MOXD1: variants seen among roughly 807,000 people sequenced by gnomAD.
MOXD1 encodes monooxygenase DBH like 1, also known as DBH-like monooxygenase protein 1.
MOXD1 carries 62 observed loss-of-function variants against 66.6 expected under a neutral mutation model. That is an observed-to-expected ratio of 0.93 (90% CI 0.76 to 1.15). The LOEUF is 1.15. Among genes scored for constraint, MOXD1 ranks in the 50% most tolerant of loss-of-function variants. The pLI, the probability that MOXD1 is intolerant of heterozygous loss-of-function variation, is 0.00. For synonymous variants in MOXD1, 303 were observed against 281.9 expected (o/e 1.07, Z -0.75); for missense variants, 847 against 754.6 (o/e 1.12, Z -1.44).
chr6:132,354,095 C>A (rs1330514781), intron 4 of MOXD1, among the ~76,000 whole-genome samples: 2 of 151,890 alleles, frequency 1.3e-5, no homozygotes, highest in East Asian at 3.9e-4. Context: ...ATTTTCTTGC[C>A]TTTCGCTGGT....
At chr6:132,347,250 C>T (rs1168242765) in intron 4 of MOXD1, among the ~76,000 whole-genome samples, 10 of 152,144 alleles carry the variant, frequency 6.6e-5, no homozygotes, top group Admixed American at 5.9e-4. Flanking sequence ...TTTCATTCTC[C>T]GGGTGACTGA....
chr6:132,371,595 TG>T (rs1260195007), intron 4 of MOXD1, among the ~76,000 whole-genome samples: 1 of 152,164 alleles, frequency 6.6e-6, no homozygotes, highest in Non-Finnish European at 1.5e-5. Context: ...TCTGCTAAAA[TG>T]TCTTGAGGTT....
intron 1 of MOXD1, among the ~76,000 whole-genome samples, chr6:132,384,952 G>A (rs1776595429): frequency 6.6e-6 from 1 of 152,212 alleles, no homozygotes; most frequent in African/African-American, 2.4e-5. Flanking sequence ...ATGGTAGTTG[G>A]AAGACACTCA....
At chr6:132,332,473 CCTGA>C (rs1350325934) in intron 4 of MOXD1, among the ~76,000 whole-genome samples, 6 of 152,082 alleles carry the variant, frequency 3.9e-5, no homozygotes, top group South Asian at 4.1e-4. Context: ...GAAAAAATTA[CCTGA>C]CTATCAAACT....
intron 4 of MOXD1, among the ~76,000 whole-genome samples, chr6:132,333,279 T>G (rs1775363819): frequency 2.2e-5 from 3 of 138,614 alleles, no homozygotes; most frequent in African/African-American, 8.6e-5. Flanking sequence ...GAGCTGGCAG[T>G]GAGCTGAGAT....
rs797011383 is a variant in MOXD1, at chr6:132,359,640, C to A, written c.663+12968G>T. On this transcript the variant is annotated intron_variant, in intron 4 of 11. Coordinates refer to ENST00000367963, the MANE Select transcript of MOXD1 (RefSeq NM_015529.4). The stretch of plus-strand genomic sequence containing the variant: ...TAGCTGGGACTACAGGCGCCCGCCA[C>A]GAAGCCCGGCTAATTTTTTGTATTT... Among the ~76,000 whole-genome samples the A allele has an allele frequency of 2.6e-5, 4 of 152,094 alleles. No homozygotes were observed. In the South Asian group the frequency reaches 8.3e-4, roughly 32 times the overall value.
intron 9 of MOXD1, among the ~76,000 whole-genome samples, chr6:132,318,286 TC>T (rs1775001085): frequency 1.3e-5 from 2 of 152,070 alleles, no homozygotes; most frequent in Non-Finnish European, 2.9e-5. Flanking sequence ...GCCATACTTT[TC>T]CCCAAGATGG....
chr6:132,370,880 A>T (rs1242329123), intron 4 of MOXD1, among the ~76,000 whole-genome samples: 1 of 152,170 alleles, frequency 6.6e-6, no homozygotes, highest in Non-Finnish European at 1.5e-5. Flanking sequence ...TATGCTTCAT[A>T]TAGGAAAGTT....
At chr6:132,352,893 T>C (rs1243315802) in intron 4 of MOXD1, among the ~76,000 whole-genome samples, 1 of 152,182 alleles carries the variant, frequency 6.6e-6, no homozygotes, top group African/African-American at 2.4e-5. Context: ...ATATCCCTCT[T>C]TTTCTCTTTT....
intron 4 of MOXD1, among the ~76,000 whole-genome samples, chr6:132,336,628 C>T (rs1395156419): frequency 6.6e-6 from 1 of 152,174 alleles, no homozygotes; most frequent in African/African-American, 2.4e-5. Context: ...CAATGCAAAT[C>T]CTGACTTGCT....
At chr6:132,387,018 T>C (rs1209217555) in intron 1 of MOXD1, among the ~76,000 whole-genome samples, 1 of 151,064 alleles carries the variant, frequency 6.6e-6, no homozygotes, top group Non-Finnish European at 1.5e-5. Context: ...TTGCCAGCTG[T>C]TTTTTTTTCC....
intron 10 of MOXD1, among the ~76,000 whole-genome samples, chr6:132,300,916 C>T (rs1171166870): frequency 1.3e-5 from 2 of 152,088 alleles, no homozygotes; most frequent in African/African-American, 4.8e-5. Flanking sequence ...TAATAAACAT[C>T]CTACTTGTCA....
At chr6:132,391,867 C>G (rs1208113543) in intron 1 of MOXD1, 1 of 191,322 alleles carries the variant, frequency 5.2e-6, no homozygotes, top group Non-Finnish European at 1.1e-5. Flanking sequence ...AAATCATCTG[C>G]TCCGCCAGGA....
intron 9 of MOXD1, among the ~76,000 whole-genome samples, chr6:132,318,806 A>C (rs998972265): frequency 6.6e-6 from 1 of 152,078 alleles, no homozygotes; most frequent in Non-Finnish European, 1.5e-5. Flanking sequence ...GTTCACATTT[A>C]AATATTTAAT....
intron 4 of MOXD1, among the ~76,000 whole-genome samples, chr6:132,367,076 C>T (rs1776163865): frequency 6.6e-6 from 1 of 152,060 alleles, no homozygotes; most frequent in Non-Finnish European, 1.5e-5. Flanking sequence ...CATTTCTCTT[C>T]CTGTAGCAAT....
chr6:132,320,800 A>C, intron 8 of MOXD1, 112 bp from the exon 9 acceptor site: 1 of 855,226 alleles, frequency 1.2e-6, no homozygotes, highest in East Asian at 2.7e-5. Context: ...GCGCCAAGTA[A>C]TTTCATTCAG....
At chr6:132,320,311 T>C (rs906340635) in intron 9 of MOXD1, among the ~76,000 whole-genome samples, 1 of 152,172 alleles carries the variant, frequency 6.6e-6, no homozygotes, top group Non-Finnish European at 1.5e-5. Context: ...TAAGCCAGAC[T>C]CAAGCAGACA....
At position 132,401,396 on chromosome 6, in the gene MOXD1, C is replaced by T. The variant is rs777757679; in HGVS notation, c.31G>A (p.Gly11Arg). 28 of 1,528,444 alleles carry T rather than the reference C, an allele frequency of 1.8e-5. No homozygotes were observed. Among genetic ancestry groups the T allele is most frequent in the Non-Finnish European group, 2.4e-5 (27 of 1,143,562 alleles). The allele number at this position is 1,528,444 out of a possible 1,614,324, so 94.7% of individuals were successfully genotyped here. A position where few individuals can be genotyped will look rare whatever the true frequency, so the allele number is the denominator to read the frequency against. Residue 11 changes from glycine to arginine, a missense_variant, in exon 1 of 12, where the codon GGG becomes AGG. Physicochemically the swap from Gly to Arg is moderately radical, Grantham distance 125. Coordinates refer to ENST00000367963, the MANE Select transcript of MOXD1 (RefSeq NM_015529.4). Reference sequence around the variant, plus strand: ...CCCGCCGCCGTCCCGGGGAGCAGCCCCCACAGCAGGAGCAGCGGCCAGCAG... The same window carrying T: ...CCCGCCGCCGTCCCGGGGAGCAGCCTCCACAGCAGGAGCAGCGGCCAGCAG... MCCWPLLLLW[G>R]LLPGTAAGGS...
intron 4 of MOXD1, among the ~76,000 whole-genome samples, chr6:132,341,527 A>G (rs1053077476): frequency 2.0e-5 from 3 of 152,186 alleles, no homozygotes; most frequent in Admixed American, 1.3e-4. Flanking sequence ...AATCTGACCA[A>G]TCATATTCAA....
Sources: gnomAD v4.1 joint callset for allele counts (sites outside exome capture counted in the v4.1 genomes callset) on GRCh38, gnomAD v4.1.1 for gene constraint, MANE v1.5 for transcripts, NCBI Gene and HGNC (gene_info 2026-07-23, HGNC 2026-07-21) for gene names.